The following MSRA variants were observed in gnomAD, a reference collection of about 807,000 sequenced individuals.
The protein encoded by MSRA is methionine sulfoxide reductase A.
MSRA carries 54 observed loss-of-function variants against 31.3 expected under a neutral mutation model. That is an observed-to-expected ratio of 1.73 (90% CI 1.39 to 2.17). The LOEUF is 2.17. Among genes scored for constraint, MSRA ranks in the 30% most tolerant of loss-of-function variants. MSRA has a pLI of 0.00. For missense variants in MSRA, 507 were observed against 300.9 expected (o/e 1.69, Z -5.07); for synonymous variants, 169 against 116.5 (o/e 1.45, Z -2.90).
At chr8:10,425,287 G>T (rs1290799473) in intron 5 of MSRA, among the ~76,000 whole-genome samples, 1 of 152,244 alleles carries the variant, frequency 6.6e-6, no homozygotes, top group Non-Finnish European at 1.5e-5. Flanking sequence ...GTGCAGAGGC[G>T]TGGGTGGGCT....
intron 1 of MSRA, among the ~76,000 whole-genome samples, chr8:10,075,479 T>G (rs2083685449): frequency 6.6e-6 from 1 of 152,138 alleles, no homozygotes; most frequent in Admixed American, 6.5e-5. Context: ...GAGATCTGAG[T>G]TTTTAGCTTC....
At chr8:10,148,080 C>G (rs527625158) in intron 1 of MSRA, among the ~76,000 whole-genome samples, 2 of 152,118 alleles carry the variant, frequency 1.3e-5, no homozygotes, top group African/African-American at 4.8e-5. Context: ...CCTGGCAAAG[C>G]GAGCACTCGG....
At chr8:10,156,248 C>G (rs1316082313) in intron 1 of MSRA, among the ~76,000 whole-genome samples, 1 of 152,158 alleles carries the variant, frequency 6.6e-6, no homozygotes, top group Non-Finnish European at 1.5e-5. Flanking sequence ...ATTTTTGAGA[C>G]AATCGGGGAA....
chr8:10,300,876 A>T (rs1191133787), intron 3 of MSRA, among the ~76,000 whole-genome samples: 1 of 152,146 alleles, frequency 6.6e-6, no homozygotes, highest in Non-Finnish European at 1.5e-5. Context: ...CTCCAGGACC[A>T]CCACTGAGAA....
chr8:10,291,867 T>G (rs1332970977), intron 3 of MSRA, among the ~76,000 whole-genome samples: 1 of 152,200 alleles, frequency 6.6e-6, no homozygotes, highest in Admixed American at 6.5e-5. Flanking sequence ...CAAGTCTTTT[T>G]ATTTTAAAGA....
intron 2 of MSRA, among the ~76,000 whole-genome samples, chr8:10,231,574 T>C (rs1471651786): frequency 2.0e-5 from 3 of 152,192 alleles, no homozygotes; most frequent in Admixed American, 1.3e-4. Context: ...ATGGATGATA[T>C]GTGGTTTGAA....
At chr8:10,057,032 C>T (rs1251875414) in intron 1 of MSRA, among the ~76,000 whole-genome samples, 1 of 152,138 alleles carries the variant, frequency 6.6e-6, no homozygotes, top group Non-Finnish European at 1.5e-5. Context: ...AAGGACAATT[C>T]CACCCTTTTA....
intron 5 of MSRA, among the ~76,000 whole-genome samples, chr8:10,354,750 G>GTGTATATATA (rs371336632): frequency 5.7e-4 from 79 of 138,390 alleles, no homozygotes; most frequent in African/African-American, 1.9e-3. Flanking sequence ...GTGTGTGTGT[G>GTGTATATATA]TATATATATA....
chr8:10,323,595 T>TA (rs1278207079), intron 5 of MSRA, among the ~76,000 whole-genome samples: 2 of 152,156 alleles, frequency 1.3e-5, no homozygotes, highest in Non-Finnish European at 2.9e-5. Context: ...CCATAGGAGG[T>TA]AAAATTTAGG....
At chr8:10,072,333 A>G (rs1394846762) in intron 1 of MSRA, among the ~76,000 whole-genome samples, 1 of 150,630 alleles carries the variant, frequency 6.6e-6, no homozygotes, top group Non-Finnish European at 1.5e-5. Flanking sequence ...CTATGGATGA[A>G]TATTCAGTTA....
At chr8:10,147,685 G>T (rs914994323) in intron 1 of MSRA, among the ~76,000 whole-genome samples, 4 of 152,146 alleles carry the variant, frequency 2.6e-5, no homozygotes, top group African/African-American at 9.7e-5. Context: ...CATCTGCATG[G>T]AAAGGCTGTA....
At chr8:10,402,667 A>G (rs1410950339) in intron 5 of MSRA, among the ~76,000 whole-genome samples, 1 of 152,224 alleles carries the variant, frequency 6.6e-6, no homozygotes, top group Non-Finnish European at 1.5e-5. Context: ...CTGTCCCGAC[A>G]CAGAGACAGT....
intron 5 of MSRA, among the ~76,000 whole-genome samples, chr8:10,367,120 C>G (rs1267652689): frequency 1.3e-5 from 2 of 152,192 alleles, no homozygotes; most frequent in Non-Finnish European, 2.9e-5. Flanking sequence ...CACTGTCCCA[C>G]TCCATCTGTC....
chr8:10,356,067 A>G (rs1804490847), intron 5 of MSRA, among the ~76,000 whole-genome samples: 1 of 152,146 alleles, frequency 6.6e-6, no homozygotes, highest in South Asian at 2.1e-4. Context: ...CCCTTCATGT[A>G]TCTGGGGAGC....
intron 3 of MSRA, among the ~76,000 whole-genome samples, chr8:10,245,741 C>T (rs1037680633): frequency 1.3e-5 from 2 of 152,174 alleles, no homozygotes; most frequent in African/African-American, 4.8e-5. Flanking sequence ...GTGGTGGATG[C>T]AGAGAACCTA....
chr8:10,123,433 A>C (rs1283335482), intron 1 of MSRA, among the ~76,000 whole-genome samples: 2 of 152,188 alleles, frequency 1.3e-5, no homozygotes, highest in Non-Finnish European at 2.9e-5. Context: ...TGTCAAATGC[A>C]TAGTTTGCAA....
At chr8:10,058,432 G>C (rs1353482316) in intron 1 of MSRA, among the ~76,000 whole-genome samples, 1 of 152,172 alleles carries the variant, frequency 6.6e-6, no homozygotes, top group Non-Finnish European at 1.5e-5. Context: ...TGATGAAAAT[G>C]ATAATTTTTA....
intron 5 of MSRA, among the ~76,000 whole-genome samples, chr8:10,426,934 G>A (rs1033612447): frequency 1.4e-4 from 21 of 151,530 alleles, no homozygotes; most frequent in Non-Finnish European, 1.8e-4. Context: ...TAACCCACCC[G>A]TCTTGGCGGG....
At chr8:10,359,233 T>C (rs1243912954) in intron 5 of MSRA, among the ~76,000 whole-genome samples, 1 of 152,192 alleles carries the variant, frequency 6.6e-6, no homozygotes, top group Non-Finnish European at 1.5e-5. Flanking sequence ...TTGGATCTTC[T>C]TTGCCCATCC....
Sources: allele counts gnomAD v4.1 joint callset (sites outside exome capture counted in the v4.1 genomes callset), GRCh38; gene constraint gnomAD v4.1.1; transcripts MANE v1.5; gene names NCBI Gene and HGNC (gene_info 2026-07-23, HGNC 2026-07-21).